CSMD3: variants seen among roughly 807,000 people sequenced by gnomAD.
The protein encoded by CSMD3 is CUB and Sushi multiple domains 3.
Under a neutral mutation model 435.2 loss-of-function variants are expected in CSMD3, and 177 were observed. The observed-to-expected ratio is 0.41, with a 90% CI of 0.36 to 0.46. CSMD3 has a LOEUF of 0.46. Among genes scored for constraint, CSMD3 ranks in the 20% least tolerant of loss-of-function variants. The pLI, the probability that CSMD3 is intolerant of heterozygous loss-of-function variation, is 0.34. For synonymous variants in CSMD3, 1,656 were observed against 1,520.5 expected (o/e 1.09, Z -2.07); for missense variants, 4,265 against 4,504.6 (o/e 0.95, Z 1.52).
intron 10 of CSMD3, among the ~76,000 whole-genome samples, chr8:112,916,721 A>G (rs1345952186): frequency 9.9e-5 from 15 of 152,042 alleles, no homozygotes; most frequent in Middle Eastern, 3.4e-3. Flanking sequence ...CCTTTGCATA[A>G]CAGGAAGCCT....
At chr8:112,238,562 A>C (rs952569749) in intron 66 of CSMD3, among the ~76,000 whole-genome samples, 79 of 152,106 alleles carry the variant, frequency 5.2e-4, no homozygotes, top group African/African-American at 1.7e-3. Context: ...ATCACTTTGG[A>C]GTAATGTAAT....
intron 1 of CSMD3, among the ~76,000 whole-genome samples, chr8:113,430,029 C>G (rs1007680091): frequency 3.3e-5 from 5 of 152,088 alleles, no homozygotes; most frequent in Non-Finnish European, 5.9e-5. Context: ...GGAGAGGTAG[C>G]ATTTTTTTCT....
rs910220484 is a variant in CSMD3 at position 112,387,582 on chromosome 8, G to GT, written c.5934+3081dup. Reference sequence around the variant, plus strand: ...GTTAATTAGAAAAAGGTCCTTGATAGTTTTTTTTTAGCGTGTTTAAAATTA... The same window carrying GT: ...GTTAATTAGAAAAAGGTCCTTGATAGTTTTTTTTTTAGCGTGTTTAAAATTA... On this transcript the variant is annotated intron_variant, in intron 36 of 70. Coordinates refer to ENST00000297405, the MANE Select transcript of CSMD3 (RefSeq NM_198123.2). 1.3e-4 allele frequency among the ~76,000 whole-genome samples: 20 copies of GT among 149,584 alleles called. 1 individual carries two copies. Among genetic ancestry groups the GT allele is most frequent in the Admixed American group, 4.7e-4 (7 of 14,996 alleles).
At chr8:112,542,508 T>C (rs1337502511) in intron 27 of CSMD3, among the ~76,000 whole-genome samples, 4 of 152,016 alleles carry the variant, frequency 2.6e-5, no homozygotes, top group Non-Finnish European at 5.9e-5. Flanking sequence ...TGTTTCTATA[T>C]ACACTAACAA....
intron 6 of CSMD3, among the ~76,000 whole-genome samples, chr8:113,010,368 A>G (rs1164609761): frequency 1.3e-5 from 2 of 151,794 alleles, no homozygotes; most frequent in African/African-American, 4.8e-5. Flanking sequence ...AAGAAAGCTG[A>G]CTTTTATTCT....
At chr8:112,745,564 T>C (rs974130549) in intron 13 of CSMD3, among the ~76,000 whole-genome samples, 1 of 152,058 alleles carries the variant, frequency 6.6e-6, no homozygotes, top group Non-Finnish European at 1.5e-5. Flanking sequence ...ATTAATTTCA[T>C]AGTAATAAAC....
At chr8:113,397,865 T>TAAATAAATAAAGAAAG (rs1019972589) in intron 1 of CSMD3, among the ~76,000 whole-genome samples, 2 of 134,038 alleles carry the variant, frequency 1.5e-5, no homozygotes, top group African/African-American at 5.7e-5. Context: ...AATAAATAAA[T>TAAATAAATAAAGAAAG]AAAGAACACA....
chr8:112,493,402 T>C (rs1426763877), intron 30 of CSMD3, among the ~76,000 whole-genome samples: 2 of 152,052 alleles, frequency 1.3e-5, no homozygotes, highest in Admixed American at 6.5e-5. Context: ...AACCTAGAAG[T>C]GGTTTTTCTT....
At chr8:113,398,127 C>G (rs996095907) in intron 1 of CSMD3, among the ~76,000 whole-genome samples, 2 of 152,074 alleles carry the variant, frequency 1.3e-5, no homozygotes, top group Non-Finnish European at 2.9e-5. Flanking sequence ...TCTCCCCATC[C>G]CCAAGATTGT....
At chr8:112,696,563 C>T (rs954012544) in intron 13 of CSMD3, among the ~76,000 whole-genome samples, 1 of 152,238 alleles carries the variant, frequency 6.6e-6, no homozygotes, top group African/African-American at 2.4e-5. Flanking sequence ...ACACCTTATA[C>T]AAAAAGTAAT....
chr8:112,316,933 T>A (rs751828647), intron 47 of CSMD3, among the ~76,000 whole-genome samples: 168 of 152,052 alleles, frequency 1.1e-3, no homozygotes, highest in Non-Finnish European at 1.4e-3. Context: ...AGTCAAAAAA[T>A]TTTTTAAATG....
intron 6 of CSMD3, among the ~76,000 whole-genome samples, chr8:113,005,870 A>G (rs1036777647): frequency 6.6e-6 from 1 of 152,038 alleles, no homozygotes; most frequent in African/African-American, 2.4e-5. Flanking sequence ...TGTATTATCT[A>G]TTCCTTGTTG....
At chr8:113,063,974 A>T (rs1429450166) in intron 5 of CSMD3, among the ~76,000 whole-genome samples, 2 of 151,632 alleles carry the variant, frequency 1.3e-5, no homozygotes. Context: ...GTAAGGTCTA[A>T]GCAATGAATT....
At chr8:112,857,484 A>G (rs1464635085) in intron 11 of CSMD3, among the ~76,000 whole-genome samples, 1 of 151,786 alleles carries the variant, frequency 6.6e-6, no homozygotes. Context: ...AATTGCGAAG[A>G]CAAAACAATA....
At chr8:112,490,224 A>G (rs1462075151) in intron 31 of CSMD3, among the ~76,000 whole-genome samples, 1 of 152,184 alleles carries the variant, frequency 6.6e-6, no homozygotes, top group Admixed American at 6.5e-5. Flanking sequence ...AATAACTATT[A>G]ATCTAGTTTT....
chr8:112,807,961 T>C (rs542032018), intron 12 of CSMD3, among the ~76,000 whole-genome samples: 3 of 152,158 alleles, frequency 2.0e-5, no homozygotes, highest in Admixed American at 6.5e-5. Flanking sequence ...TAATAGTGTG[T>C]CATTGACATA....
intron 63 of CSMD3, 74 bp downstream of exon 63, chr8:112,254,179 A>G (rs1429932830): frequency 1.5e-5 from 15 of 1,003,514 alleles, no homozygotes; most frequent in Non-Finnish European, 2.2e-5. Context: ...TATGTCAACA[A>G]GATTATATGC....
At chr8:113,273,045 T>G (rs1479924653) in intron 3 of CSMD3, among the ~76,000 whole-genome samples, 1 of 152,112 alleles carries the variant, frequency 6.6e-6, no homozygotes, top group Non-Finnish European at 1.5e-5. Context: ...GATAAATGTT[T>G]GAGGTGATAG....
intron 6 of CSMD3, among the ~76,000 whole-genome samples, chr8:113,007,192 A>G (rs989883769): frequency 2.6e-5 from 4 of 151,908 alleles, no homozygotes; most frequent in African/African-American, 9.7e-5. Flanking sequence ...TAGTGTTTTG[A>G]TTACTCTCTA....
Sources: allele counts gnomAD v4.1 joint callset (sites outside exome capture counted in the v4.1 genomes callset), GRCh38; gene constraint gnomAD v4.1.1; transcripts MANE v1.5; gene names NCBI Gene and HGNC (gene_info 2026-07-23, HGNC 2026-07-21).